The following PTPRG variants were observed in gnomAD, a reference collection of about 807,000 sequenced individuals.
The protein encoded by PTPRG is protein tyrosine phosphatase receptor type G.
In PTPRG, 102 loss-of-function variants were observed where a neutral mutation model predicts 165.3. That is an observed-to-expected ratio of 0.62 (90% CI 0.53 to 0.73). The LOEUF (loss-of-function observed/expected upper bound fraction) is 0.73, where lower values mean the gene tolerates loss of function less well. Ranked by LOEUF, PTPRG falls within the 30% of genes least tolerant of loss-of-function variation. The probability of loss-of-function intolerance (pLI) is 0.00; values close to 1 mark genes in which losing one functional copy is unlikely to be tolerated. For synonymous variants in PTPRG, 675 were observed against 669.5 expected, an observed-to-expected ratio of 1.01 and a Z score of -0.13; for missense variants, 1,866 against 1,861.4, an observed-to-expected ratio of 1.00 and a Z score of -0.05.
intron 2 of PTPRG, among the ~76,000 whole-genome samples, chr3:61,867,028 T>A (rs1278698820): frequency 6.6e-6 from 1 of 152,154 alleles, no homozygotes; most frequent in African/African-American, 2.4e-5. Context: ...TAGAACATCA[T>A]CCTTCCAGCC....
At chr3:61,829,295 G>T (rs1404334653) in intron 2 of PTPRG, among the ~76,000 whole-genome samples, 2 of 152,244 alleles carry the variant, frequency 1.3e-5, no homozygotes, top group Non-Finnish European at 2.9e-5. Flanking sequence ...GGAATTCCCA[G>T]ACAGCGTTGT....
chr3:62,180,508 G>A (rs1705604044), intron 8 of PTPRG, among the ~76,000 whole-genome samples: 1 of 152,204 alleles, frequency 6.6e-6, no homozygotes, highest in Non-Finnish European at 1.5e-5. Context: ...GAAGCACCAC[G>A]AGGGAAGGAT....
intron 1 of PTPRG, among the ~76,000 whole-genome samples, chr3:61,569,149 G>T (rs538027514): frequency 6.6e-6 from 1 of 152,158 alleles, no homozygotes; most frequent in Non-Finnish European, 1.5e-5. Context: ...GTAGCAGGAA[G>T]AAAAATCTTT....
In PTPRG at chr3:62,294,717, A is replaced by G. The variant is rs1289085775; in HGVS notation, c.*1410A>G. The G allele has an allele frequency of 1.3e-5, 2 of 152,106 alleles. No homozygotes were observed. The highest frequency in any genetic ancestry group is 2.4e-5 in the African/African-American group (1 of 41,436). The allele number at this position is 152,106 out of a possible 1,614,324, so 9.4% of individuals were successfully genotyped here. On this transcript the variant is annotated 3_prime_UTR_variant, in exon 30 of 30. Coordinates refer to ENST00000474889, the MANE Select transcript of PTPRG (RefSeq NM_002841.4). Reference sequence around the variant, plus strand: ...CTACTTACTGAGATCTGTTTCTTCTATTGCATGTTTGCTTTTGAGGGACAG... The same window carrying G: ...CTACTTACTGAGATCTGTTTCTTCTGTTGCATGTTTGCTTTTGAGGGACAG...
intron 4 of PTPRG, among the ~76,000 whole-genome samples, chr3:62,056,443 G>C (rs888685841): frequency 8.6e-5 from 13 of 151,962 alleles, no homozygotes; most frequent in Admixed American, 8.5e-4. Flanking sequence ...CACATCATTA[G>C]TGTTAGTGTA....
intron 5 of PTPRG, among the ~76,000 whole-genome samples, chr3:62,112,252 G>T (rs572468908): frequency 6.6e-6 from 1 of 152,098 alleles, no homozygotes; most frequent in South Asian, 2.1e-4. Flanking sequence ...TTACAGGCAC[G>T]CACCACCATG....
chr3:62,049,551 A>G (rs1479278697), intron 4 of PTPRG, among the ~76,000 whole-genome samples: 2 of 69,838 alleles, frequency 2.9e-5, no homozygotes, highest in South Asian at 7.1e-4. Flanking sequence ...TAGGATTTTC[A>G]TTGTCTTGCA....
At chr3:62,160,602 T>C (rs981435243) in intron 7 of PTPRG, among the ~76,000 whole-genome samples, 1 of 152,242 alleles carries the variant, frequency 6.6e-6, no homozygotes, top group Non-Finnish European at 1.5e-5. Context: ...TCATGATCAG[T>C]CATAGAAGAT....
intron 2 of PTPRG, among the ~76,000 whole-genome samples, chr3:61,761,121 T>G (rs1353813403): frequency 1.3e-5 from 2 of 152,234 alleles, no homozygotes; most frequent in Non-Finnish European, 2.9e-5. Context: ...TACCCATTAA[T>G]GGGATTGCTG....
chr3:61,722,666 T>A (rs1559574823), intron 1 of PTPRG, among the ~76,000 whole-genome samples: 1 of 152,202 alleles, frequency 6.6e-6, no homozygotes, highest in Non-Finnish European at 1.5e-5. Context: ...TTCCTTTAAT[T>A]TCAGTACTAT....
In PTPRG at chr3:62,277,698, C is replaced by T; in HGVS notation, c.3765+19C>T. 6.2e-7 allele frequency: 1 copy of T among 1,610,840 alleles called. No homozygotes were observed. The highest frequency in any genetic ancestry group is 2.2e-5 in the East Asian group (1 of 44,844). On this transcript the variant is annotated intron_variant, in intron 26 of 29. Transcript: ENST00000474889. ...GAGCTTGGTAAGTAAAGCACATCTG[C>T]TATATATTAATGAGCCCATGAGGCT...
chr3:62,140,120 C>G (rs1419549023), intron 6 of PTPRG, among the ~76,000 whole-genome samples: 1 of 152,154 alleles, frequency 6.6e-6, no homozygotes, highest in Non-Finnish European at 1.5e-5. Flanking sequence ...GCCACACATT[C>G]ACTGTTTAAA....
chr3:61,639,620 C>G (rs1482852371), intron 1 of PTPRG, among the ~76,000 whole-genome samples: 1 of 152,036 alleles, frequency 6.6e-6, no homozygotes, highest in Admixed American at 6.6e-5. Flanking sequence ...AGCAATCTTT[C>G]ACCTGCTTGA....
chr3:62,087,701 G>T (rs544716482), intron 5 of PTPRG, among the ~76,000 whole-genome samples: 2 of 152,300 alleles, frequency 1.3e-5, no homozygotes, highest in Non-Finnish European at 2.9e-5. Flanking sequence ...TGTGCTCTCA[G>T]TGAAGAACTG....
chr3:61,833,478 G>A (rs1001011358), intron 2 of PTPRG, among the ~76,000 whole-genome samples: 1 of 152,144 alleles, frequency 6.6e-6, no homozygotes, highest in Non-Finnish European at 1.5e-5. Flanking sequence ...AGGATGTAGT[G>A]AGCGTGTGTG....
chr3:62,257,443 T>C (rs892594580), intron 16 of PTPRG, among the ~76,000 whole-genome samples: 1 of 152,208 alleles, frequency 6.6e-6, no homozygotes, highest in Non-Finnish European at 1.5e-5. Context: ...CCTGGAATAA[T>C]GATGGCCAGC....
chr3:62,180,118 C>T (rs1705589542), intron 8 of PTPRG, among the ~76,000 whole-genome samples: 1 of 152,174 alleles, frequency 6.6e-6, no homozygotes, highest in Admixed American at 6.5e-5. Context: ...TAACCATTTG[C>T]ATCATAATAA....
chr3:61,669,876 G>C (rs1457305408), intron 1 of PTPRG, among the ~76,000 whole-genome samples: 1 of 152,184 alleles, frequency 6.6e-6, no homozygotes, highest in African/African-American at 2.4e-5. Flanking sequence ...TGCTGCCTTT[G>C]AATGCAGGTG....
At chr3:61,659,559 T>C (rs1017803913) in intron 1 of PTPRG, 1 of 675,936 alleles carries the variant, frequency 1.5e-6, no homozygotes, top group Non-Finnish European at 1.8e-6. Flanking sequence ...ATAAACACTT[T>C]CTTGGTAACC....
Sources: gnomAD v4.1 joint callset for allele counts (sites outside exome capture counted in the v4.1 genomes callset) on GRCh38, gnomAD v4.1.1 for gene constraint, MANE v1.5 for transcripts, NCBI Gene and HGNC (gene_info 2026-07-23, HGNC 2026-07-21) for gene names.